SLFN5: variants seen among roughly 807,000 people sequenced by gnomAD.
SLFN5 encodes schlafen family member 5.
SLFN5 carries 34 observed loss-of-function variants against 48.5 expected under a neutral mutation model. That is an observed-to-expected ratio of 0.70 (90% confidence interval 0.53 to 0.93). SLFN5 has a LOEUF of 0.93. Ranked by LOEUF, SLFN5 falls within the 40% of genes least tolerant of loss-of-function variation. The pLI, the probability that SLFN5 is intolerant of heterozygous loss-of-function variation, is 0.00. For missense variants in SLFN5, 1,006 were observed against 1,071.3 expected (o/e 0.94, Z 0.85); for synonymous variants, 387 against 396.2 (o/e 0.98, Z 0.28).
At chr17:35,251,758 C>T (rs1291809768) in intron 1 of SLFN5, among the ~76,000 whole-genome samples, 2 of 129,820 alleles carry the variant, frequency 1.5e-5, no homozygotes, top group Non-Finnish European at 3.1e-5. Context: ...CTGTCGCCCA[C>T]GCTGGAGTGC....
At position 35,252,568 on chromosome 17, in the gene SLFN5, A is replaced by AT. The variant is rs200021154; in HGVS notation, c.-40-6076dup. Among the ~76,000 whole-genome samples, 482 of 151,020 alleles carry AT rather than the reference A, an allele frequency of 3.2e-3. 9 individuals carry two copies. Among genetic ancestry groups the AT allele is most frequent in the Admixed American group, 0.029 (435 of 15,178 alleles). ...CCTTTTTCCTCTGGATGCTTTTAAG[A>AT]TTTTTTTCTGTATCACTGGTTTTGA... On this transcript the variant is annotated intron_variant, in intron 1 of 4. Coordinates refer to ENST00000299977, the MANE Select transcript of SLFN5 (RefSeq NM_144975.4).
chr17:35,247,183 A>G (rs1260187782), intron 1 of SLFN5, among the ~76,000 whole-genome samples: 3 of 152,182 alleles, frequency 2.0e-5, no homozygotes, highest in African/African-American at 7.2e-5. Context: ...TGTTCCCCAA[A>G]CTAATCATAC....
chr17:35,249,342 T>C (rs2092437425), intron 1 of SLFN5, among the ~76,000 whole-genome samples: 1 of 152,162 alleles, frequency 6.6e-6, no homozygotes. Flanking sequence ...ACTACAGATA[T>C]TGTAAACAGA....
In SLFN5 at chr17:35,265,557, G is replaced by A. The variant is rs1234377088; in HGVS notation, c.2345G>A (p.Arg782Gln). 8 of 1,614,066 alleles carry A rather than the reference G, an allele frequency of 5.0e-6. No homozygotes were observed. Among genetic ancestry groups the A allele is most frequent in the African/African-American group, 4.0e-5 (3 of 74,932 alleles). Reference protein sequence around the residue: ...YVANKCRFLLRNGYSPKDIAV... With the variant: ...YVANKCRFLLQNGYSPKDIAV... ...GCGAATAAATGCCGTTTTCTCTTGC[G>A]GAATGGTTATTCTCCGAAGGATATT... The change falls in exon 5 of 5, where the codon CGG becomes CAG. Residue 782 changes from arginine to glutamine, a missense_variant. By Grantham distance (43) the Arg-to-Gln change is conservative (BLOSUM62 1). Coordinates refer to ENST00000299977, the MANE Select transcript of SLFN5 (RefSeq NM_144975.4).
At chr17:35,244,371 C>A (rs1409613941) in intron 1 of SLFN5, among the ~76,000 whole-genome samples, 1 of 151,926 alleles carries the variant, frequency 6.6e-6, no homozygotes, top group Non-Finnish European at 1.5e-5. Flanking sequence ...GGGAACTTTT[C>A]AATAGTTCCT....
rs1904828773 is a variant in SLFN5 at position 35,271,450 on chromosome 17, T to C, written c.*5562T>C. Reference sequence around the variant, plus strand: ...ATTGCCTATTATGTCAGACTACATGTAGTTAGAAAATACGATGAAAGAAAA... The same window carrying C: ...ATTGCCTATTATGTCAGACTACATGCAGTTAGAAAATACGATGAAAGAAAA... On this transcript the variant is annotated 3_prime_UTR_variant, in exon 5 of 5. Coordinates refer to ENST00000299977, the MANE Select transcript of SLFN5 (RefSeq NM_144975.4). 6.6e-6 allele frequency: 1 copy of C among 152,194 alleles called. No individual in the cohort carries two copies. Among genetic ancestry groups the C allele is most frequent in the African/African-American group, 2.4e-5 (1 of 41,460 alleles). 9.4% of individuals were successfully genotyped at this position (152,194 alleles called of 1,614,324 possible). A position where few individuals can be genotyped will look rare whatever the true frequency, so the allele number is the denominator to read the frequency against.
Position 35,259,101 on chromosome 17 carries a change from CA to C in SLFN5, c.414del (p.Lys138AsnfsTer16). ...MDSQEALAFL[K>X]CRTQTPTNIN... is the part of the protein sequence containing the mutation. ...ATTCTCAGGAAGCTCTGGCATTCCT[CA>C]AATGCAGGACTCAGACTCCAACGAA... On this transcript the variant is annotated frameshift_variant, in exon 2 of 5. Transcript: ENST00000299977. LOFTEE classifies it high-confidence loss of function. 6.2e-7 allele frequency: 1 copy of C among 1,614,136 alleles called. No individual in the cohort carries two copies. Among genetic ancestry groups the C allele is most frequent in the Non-Finnish European group, 8.5e-7 (1 of 1,180,034 alleles).
intron 3 of SLFN5, 86 bp from the exon 4 acceptor site, chr17:35,264,097 A>T: frequency 1.4e-6 from 2 of 1,447,240 alleles, no homozygotes; most frequent in East Asian, 4.6e-5. Flanking sequence ...GTAGAGTCCC[A>T]GTGTTGATTA....
chr17:35,259,204 G>T lies in SLFN5; in HGVS notation c.514G>T (p.Ala172Ser). The change falls in exon 2 of 5, where the codon GCT becomes TCT. Residue 172 changes from alanine (A) to serine (S), a missense_variant. Transcript: ENST00000299977. ...ATATGAAGGTAACATAAATGTGTCA[G>T]CTGCTGCTTTATTTGATAGAAAGCG... is the stretch of plus-strand genomic sequence containing the variant. Reference protein sequence around the residue: ...VQYEGNINVSAAALFDRKRLQ... With the variant: ...VQYEGNINVSSAALFDRKRLQ... 1.9e-6 allele frequency: 3 copies of T among 1,614,098 alleles called. No homozygotes were observed. Among genetic ancestry groups the T allele is most frequent in the Non-Finnish European group, 2.5e-6 (3 of 1,180,042 alleles).
intron 1 of SLFN5, among the ~76,000 whole-genome samples, chr17:35,258,071 A>C (rs1040069462): frequency 3.9e-5 from 6 of 152,202 alleles, no homozygotes; most frequent in Non-Finnish European, 7.4e-5. Flanking sequence ...CACAGCATAA[A>C]TATAACCTGT....
At chr17:35,246,889 A>G (rs903380479) in intron 1 of SLFN5, among the ~76,000 whole-genome samples, 5 of 152,102 alleles carry the variant, frequency 3.3e-5, no homozygotes, top group African/African-American at 1.2e-4. Context: ...TTCATCTAAT[A>G]TCATCTGTAA....
chr17:35,266,192 G>A lies in SLFN5; in HGVS notation c.*304G>A, dbSNP rs1029704357. On this transcript the variant is annotated 3_prime_UTR_variant, in exon 5 of 5. Coordinates refer to ENST00000299977, the MANE Select transcript of SLFN5 (RefSeq NM_144975.4). The stretch of plus-strand genomic sequence containing the variant: ...TGTGTGTGTGTGCGCGCGCGCACGT[G>A]CACATGTGTGTAGGTAGATGGAGGG... The A allele has an allele frequency of 4.3e-6, 1 of 232,942 alleles. No individual in the cohort carries two copies. The highest frequency in any genetic ancestry group is 2.3e-5 in the African/African-American group (1 of 43,308). The allele number at this position is 232,942 out of a possible 1,614,324, so 14.4% of individuals were successfully genotyped here.
rs1349021599 is a variant in SLFN5 at position 35,265,190 on chromosome 17, G to A, written c.1978G>A (p.Asp660Asn). 1 of 1,614,062 alleles carries A rather than the reference G, an allele frequency of 6.2e-7. No homozygotes were observed. Among genetic ancestry groups the A allele is most frequent in the Non-Finnish European group, 8.5e-7 (1 of 1,180,036 alleles). ...DAQNFRTEDG[D>N]WYGKAKFITQ... ...TCAGAATTTCCGTACTGAAGATGGG[G>A]ACTGGTATGGGAAAGCAAAGTTCAT... Residue 660 changes from aspartate (D) to asparagine (N), a missense_variant, in exon 5 of 5, where the codon GAC becomes AAC. Transcript: ENST00000299977.
intron 1 of SLFN5, among the ~76,000 whole-genome samples, chr17:35,248,952 G>A (rs1313469212): frequency 6.6e-6 from 1 of 151,716 alleles, no homozygotes; most frequent in Non-Finnish European, 1.5e-5. Flanking sequence ...GTAAATCCGA[G>A]GGTTTTAAAA....
rs1904765864 is a variant in SLFN5 at position 35,268,852 on chromosome 17, A to AT, written c.*2964_*2965insT. The stretch of plus-strand genomic sequence containing the variant: ...TCCCTCTCTGAACTGCAGCCTAGAA[A>AT]CTCTCTACAGGCAGTAAGCTGGGGC... On this transcript the variant is annotated 3_prime_UTR_variant, in exon 5 of 5. Transcript: ENST00000299977. The AT allele has an allele frequency of 2.0e-5, 3 of 152,022 alleles. No homozygotes were observed. The highest frequency in any genetic ancestry group is 2.0e-4 in the Admixed American group (3 of 15,258). 9.4% of individuals were successfully genotyped at this position (152,022 alleles called of 1,614,324 possible).
At chr17:35,252,537 A>C (rs2092444784) in intron 1 of SLFN5, among the ~76,000 whole-genome samples, 1 of 152,120 alleles carries the variant, frequency 6.6e-6, no homozygotes, top group South Asian at 2.1e-4. Context: ...CTCTATAGAT[A>C]ATGTGCCTTT....
chr17:35,250,778 G>C (rs980726806), intron 1 of SLFN5, among the ~76,000 whole-genome samples: 38 of 152,158 alleles, frequency 2.5e-4, no homozygotes, highest in African/African-American at 8.9e-4. Flanking sequence ...CTGTTAAAAG[G>C]ATTCCATTTT....
At chr17:35,253,408 G>A (rs2092447200) in intron 1 of SLFN5, among the ~76,000 whole-genome samples, 1 of 151,850 alleles carries the variant, frequency 6.6e-6, no homozygotes, top group Non-Finnish European at 1.5e-5. Context: ...GTCTCCCTCT[G>A]TTGCCCAGGC....
chr17:35,264,722 C>A lies in SLFN5; in HGVS notation c.1678C>A (p.Gln560Lys). The stretch of plus-strand genomic sequence containing the variant: ...GGTTTTGAACCTACTGACAAATAAA[C>A]AGTATGAGTTGCTTTCAAAGAACCT... Reference protein sequence around the residue: ...SEVLNLLTNKQYELLSKNLRK... With the variant: ...SEVLNLLTNKKYELLSKNLRK... The change falls in exon 4 of 5, where the codon CAG becomes AAG. Residue 560 changes from glutamine to lysine, a missense_variant. Gln to Lys is a moderately conservative substitution (Grantham distance 53). Coordinates refer to ENST00000299977, the MANE Select transcript of SLFN5 (RefSeq NM_144975.4). The A allele has an allele frequency of 6.2e-7, 1 of 1,606,052 alleles. No individual in the cohort carries two copies. Among genetic ancestry groups the A allele is most frequent in the Non-Finnish European group, 8.5e-7 (1 of 1,177,296 alleles).
Sources: gnomAD v4.1 joint callset for allele counts (sites outside exome capture counted in the v4.1 genomes callset) on GRCh38, gnomAD v4.1.1 for gene constraint, MANE v1.5 for transcripts, NCBI Gene and HGNC (gene_info 2026-07-23, HGNC 2026-07-21) for gene names.